The following NRXN3 variants were observed in gnomAD, a reference collection of about 807,000 sequenced individuals.
NRXN3 encodes neurexin 3.
In NRXN3, 32 loss-of-function variants were observed where a neutral mutation model predicts 137.6. The ratio of observed to expected loss-of-function variants is 0.23; its 90% CI spans 0.18 to 0.31. The LOEUF (loss-of-function observed/expected upper bound fraction) is 0.31, where lower values mean the gene tolerates loss of function less well. Ranked by LOEUF, NRXN3 falls within the 10% of genes least tolerant of loss-of-function variation. The pLI, the probability that NRXN3 is intolerant of heterozygous loss-of-function variation, is 1.00. For missense variants in NRXN3, 1,574 were observed against 2,062.5 expected, an observed-to-expected ratio of 0.76 and a Z score of 4.59; for synonymous variants, 798 against 784.5, an observed-to-expected ratio of 1.02 and a Z score of -0.29.
intron 15 of NRXN3, among the ~76,000 whole-genome samples, chr14:79,013,168 G>C (rs565909502): frequency 6.6e-6 from 1 of 152,044 alleles, no homozygotes; most frequent in Non-Finnish European, 1.5e-5. Context: ...ATTCAGAAAG[G>C]GTTCTGGAAT....
At chr14:79,392,207 A>G (rs1461310125) in intron 15 of NRXN3, among the ~76,000 whole-genome samples, 1 of 152,008 alleles carries the variant, frequency 6.6e-6, no homozygotes, top group African/African-American at 2.4e-5. Flanking sequence ...ATGTTTTCTC[A>G]TTGTTCAACT....
chr14:79,070,236 T>G (rs1248774703), intron 15 of NRXN3, among the ~76,000 whole-genome samples: 1 of 152,192 alleles, frequency 6.6e-6, no homozygotes, highest in Non-Finnish European at 1.5e-5. Flanking sequence ...CAAACACAAC[T>G]CTATGTGATT....
intron 4 of NRXN3, among the ~76,000 whole-genome samples, chr14:78,399,030 G>GT (rs1567477054): frequency 6.6e-6 from 1 of 152,182 alleles, no homozygotes; most frequent in South Asian, 2.1e-4. Flanking sequence ...CTTTGTGAAA[G>GT]TTTTTTGTCT....
At chr14:78,547,436 G>T (rs977454931) in intron 4 of NRXN3, among the ~76,000 whole-genome samples, 3 of 151,964 alleles carry the variant, frequency 2.0e-5, no homozygotes, top group Admixed American at 6.6e-5. Flanking sequence ...CTGACCTCGT[G>T]ATCCACCCTC....
intron 16 of NRXN3, among the ~76,000 whole-genome samples, chr14:79,637,535 T>G (rs554918324): frequency 1.2e-3 from 189 of 152,140 alleles, no homozygotes; most frequent in African/African-American, 4.5e-3. Context: ...CTCCCAGACA[T>G]GGTGGAGGTC....
intron 8 of NRXN3, among the ~76,000 whole-genome samples, chr14:78,758,001 C>A (rs1354768030): frequency 2.0e-5 from 3 of 152,120 alleles, no homozygotes; most frequent in African/African-American, 7.2e-5. Flanking sequence ...TAATTATTTT[C>A]AGGAAAGCAC....
intron 1 of NRXN3, among the ~76,000 whole-genome samples, chr14:78,232,087 A>G (rs2065494386): frequency 6.6e-6 from 1 of 152,296 alleles, no homozygotes; most frequent in East Asian, 1.9e-4. Flanking sequence ...CTGGCATCAC[A>G]TTGCTCTGCA....
In NRXN3 at chr14:79,176,841, C is replaced by T. The variant is rs922276410; in HGVS notation, c.3262+188700C>T. ...GATACTTATCTGACTCTTCACCCAT[C>T]AGAAAGATGGAGTTCTCTCTTTGTA... On this transcript the variant is annotated intron_variant, in intron 15 of 20. Coordinates refer to ENST00000335750, the MANE Select transcript of NRXN3 (RefSeq NM_001330195.2). Among the ~76,000 whole-genome samples the T allele has an allele frequency of 3.9e-5, 6 of 152,324 alleles. No homozygotes were observed. The East Asian group carries it at 5.8e-4, about 15-fold the overall frequency.
At chr14:78,773,953 C>T (rs2098736961) in intron 8 of NRXN3, among the ~76,000 whole-genome samples, 1 of 152,120 alleles carries the variant, frequency 6.6e-6, no homozygotes, top group Admixed American at 6.5e-5. Context: ...AGGCGCCCGC[C>T]ACCACACCCA....
chr14:79,799,065 A>G (rs2099169076), intron 19 of NRXN3, among the ~76,000 whole-genome samples: 1 of 152,166 alleles, frequency 6.6e-6, no homozygotes, highest in East Asian at 1.9e-4. Flanking sequence ...TCAATAAACA[A>G]TGTTAGGAGG....
At chr14:79,513,444 G>A (rs1228644035) in intron 16 of NRXN3, among the ~76,000 whole-genome samples, 2 of 152,194 alleles carry the variant, frequency 1.3e-5, no homozygotes, top group African/African-American at 4.8e-5. Context: ...CAATTGTTCA[G>A]TCTGGTACAG....
intron 20 of NRXN3, chr14:79,860,976 G>C: frequency 1.1e-6 from 1 of 948,448 alleles, no homozygotes; most frequent in East Asian, 2.8e-5. Flanking sequence ...TGTGAATGAC[G>C]TTGGTTGAGT....
intron 7 of NRXN3, among the ~76,000 whole-genome samples, chr14:78,714,316 T>C (rs1402774654): frequency 6.6e-6 from 1 of 152,246 alleles, no homozygotes; most frequent in African/African-American, 2.4e-5. Context: ...TTCACTCATT[T>C]AATCACACCA....
chr14:78,641,648 T>C (rs2097633817), intron 4 of NRXN3, among the ~76,000 whole-genome samples: 2 of 152,214 alleles, frequency 1.3e-5, no homozygotes, highest in Non-Finnish European at 2.9e-5. Flanking sequence ...TATCCCAACA[T>C]GGTAATGCTG....
At chr14:79,230,767 G>A (rs1315514984) in intron 15 of NRXN3, among the ~76,000 whole-genome samples, 2 of 152,056 alleles carry the variant, frequency 1.3e-5, no homozygotes, top group African/African-American at 2.4e-5. Context: ...AGTATAAAGA[G>A]GACTTTCACC....
At chr14:78,266,508 A>C (rs2071746428) in intron 2 of NRXN3, among the ~76,000 whole-genome samples, 1 of 152,156 alleles carries the variant, frequency 6.6e-6, no homozygotes, top group Admixed American at 6.6e-5. Flanking sequence ...CTTGTTGGCC[A>C]GGATGGTCTT....
intron 4 of NRXN3, among the ~76,000 whole-genome samples, chr14:78,484,170 G>A (rs939627691): frequency 6.6e-6 from 1 of 152,172 alleles, no homozygotes; most frequent in African/African-American, 2.4e-5. Context: ...TAATACACTA[G>A]TGCCACAGAG....
At chr14:79,455,924 G>T (rs1449829048) in intron 15 of NRXN3, among the ~76,000 whole-genome samples, 1 of 151,760 alleles carries the variant, frequency 6.6e-6, no homozygotes, top group Non-Finnish European at 1.5e-5. Flanking sequence ...AGTGCATTAA[G>T]GTGAAAGTTC....
At chr14:78,520,898 T>C (rs1319096380) in intron 4 of NRXN3, among the ~76,000 whole-genome samples, 1 of 152,174 alleles carries the variant, frequency 6.6e-6, no homozygotes, top group Non-Finnish European at 1.5e-5. Flanking sequence ...ATTAATATTA[T>C]GGTGCTGAGA....
Sources: gnomAD v4.1 joint callset for allele counts (sites outside exome capture counted in the v4.1 genomes callset) on GRCh38, gnomAD v4.1.1 for gene constraint, MANE v1.5 for transcripts, NCBI Gene and HGNC (gene_info 2026-07-23, HGNC 2026-07-21) for gene names.